GPR176: variants seen among roughly 807,000 people sequenced by gnomAD.
The protein encoded by GPR176 is G protein-coupled receptor 176.
GPR176 carries 26 observed loss-of-function variants against 35.4 expected under a neutral mutation model. The ratio of observed to expected loss-of-function variants is 0.74; its 90% CI spans 0.54 to 1.02. GPR176 has a LOEUF of 1.02. Among genes scored for constraint, GPR176 ranks in the 50% least tolerant of loss-of-function variants. The pLI is 0.00. For missense variants in GPR176, 597 were observed against 665.3 expected (o/e 0.90, Z 1.13); for synonymous variants, 278 against 271.3 (o/e 1.02, Z -0.24).
At chr15:39,889,190 C>G (rs1320535805) in intron 1 of GPR176, among the ~76,000 whole-genome samples, 1 of 152,164 alleles carries the variant, frequency 6.6e-6, no homozygotes, top group Non-Finnish European at 1.5e-5. Context: ...ACCTCCTCCT[C>G]CATAATCCCT....
intron 1 of GPR176, among the ~76,000 whole-genome samples, chr15:39,914,602 A>C (rs150078447): frequency 1.3e-5 from 2 of 151,932 alleles, no homozygotes; most frequent in Non-Finnish European, 2.9e-5. Context: ...GAGCCACCAC[A>C]CCTGGCCCAG....
intron 1 of GPR176, among the ~76,000 whole-genome samples, chr15:39,836,150 A>G (rs538704447): frequency 2.7e-4 from 41 of 152,294 alleles, no homozygotes; most frequent in Middle Eastern, 3.4e-3. Flanking sequence ...ATTGTTCTGG[A>G]AAGAGTGGAA....
At chr15:39,807,333 TA>T in intron 1 of GPR176, 75 bp from the exon 2 acceptor site, 1 of 970,524 alleles carries the variant, frequency 1.0e-6, no homozygotes, top group Non-Finnish European at 1.4e-6. Flanking sequence ...AAGTACAGGT[TA>T]AAAAATGTAA....
chr15:39,852,664 C>T (rs2030952204), intron 1 of GPR176, among the ~76,000 whole-genome samples: 1 of 152,170 alleles, frequency 6.6e-6, no homozygotes, highest in South Asian at 2.1e-4. Flanking sequence ...GTATATACTA[C>T]ATCAGACATT....
intron 1 of GPR176, among the ~76,000 whole-genome samples, chr15:39,885,324 T>C (rs899581466): frequency 6.6e-6 from 1 of 152,242 alleles, no homozygotes; most frequent in African/African-American, 2.4e-5. Context: ...AGAAATATAT[T>C]TGTGCCCTTT....
chr15:39,801,041 A>C lies in GPR176; in HGVS notation c.*91T>G. The C allele has an allele frequency of 2.8e-6, 3 of 1,088,184 alleles. No homozygotes were observed. The highest frequency in any genetic ancestry group is 4.0e-6 in the Non-Finnish European group (3 of 744,918). The allele number at this position is 1,088,184 out of a possible 1,614,324, so 67.4% of individuals were successfully genotyped here. On this transcript the variant is annotated 3_prime_UTR_variant, in exon 3 of 3. Transcript: ENST00000561100. The stretch of plus-strand genomic sequence containing the variant: ...AGGAATCAACTCACACTGAGTTGCA[A>C]GGAGATCATACAATCACATGGCCAC...
At chr15:39,866,294 T>C (rs1488919606) in intron 1 of GPR176, among the ~76,000 whole-genome samples, 2 of 152,166 alleles carry the variant, frequency 1.3e-5, no homozygotes, top group East Asian at 1.9e-4. Context: ...TCCCTCTCGA[T>C]ATACTTCTCC....
At chr15:39,826,623 T>C (rs1460181984) in intron 1 of GPR176, among the ~76,000 whole-genome samples, 1 of 152,248 alleles carries the variant, frequency 6.6e-6, no homozygotes, top group East Asian at 1.9e-4. Flanking sequence ...TCTACATTAA[T>C]GTAACCTTTT....
At position 39,801,120 on chromosome 15, in the gene GPR176, T is replaced by G. The variant is rs1898816917; in HGVS notation, c.*12A>C. ...GAAGCTCCCCGTTGCTTCCAAGAAT[T>G]TACAATCCTTGCTAGGAATCCACCT... On this transcript the variant is annotated 3_prime_UTR_variant, in exon 3 of 3. Coordinates refer to ENST00000561100, the MANE Select transcript of GPR176 (RefSeq NM_007223.3). 1 of 1,576,306 alleles carries G rather than the reference T, an allele frequency of 6.3e-7. No individual in the cohort carries two copies. The highest frequency in any genetic ancestry group is 1.2e-5 in the South Asian group (1 of 84,502).
At chr15:39,907,698 T>TG (rs1275785954) in intron 1 of GPR176, among the ~76,000 whole-genome samples, 1 of 152,230 alleles carries the variant, frequency 6.6e-6, no homozygotes, top group Non-Finnish European at 1.5e-5. Context: ...CATCATCTTC[T>TG]GGGGGGCTAC....
chr15:39,857,077 C>G (rs960079369), intron 1 of GPR176, among the ~76,000 whole-genome samples: 4 of 152,164 alleles, frequency 2.6e-5, no homozygotes, highest in African/African-American at 9.7e-5. Context: ...AGCTGTCTAA[C>G]TGTATATAGC....
rs1898859309 is a variant in GPR176 at position 39,801,554 on chromosome 15, C to A, written c.1126G>T (p.Gly376Trp). The part of the protein sequence containing the change: ...GSQLLEMFHI[G>W]QQQIFKPTED... ...GTGGGCTTAAAGATCTGCTGCTGCC[C>A]AATGTGGAACATCTCCAGGAGCTGG... Residue 376 changes from glycine (G) to tryptophan (W), a missense_variant, in exon 3 of 3, where the codon GGG becomes TGG. Physicochemically the swap from Gly to Trp is radical, Grantham distance 184. Transcript: ENST00000561100. 3 of 1,614,146 alleles carry A rather than the reference C, an allele frequency of 1.9e-6. No individual in the cohort carries two copies. The highest frequency in any genetic ancestry group is 2.5e-6 in the Non-Finnish European group (3 of 1,179,992).
chr15:39,910,284 G>A (rs1595524896), intron 1 of GPR176, among the ~76,000 whole-genome samples: 2 of 152,148 alleles, frequency 1.3e-5, no homozygotes, highest in Non-Finnish European at 2.9e-5. Flanking sequence ...AGAAAGCATC[G>A]GTATCAATTG....
chr15:39,807,491 CTATT>C, intron 1 of GPR176: 2 of 1,303,886 alleles, frequency 1.5e-6, no homozygotes, highest in Non-Finnish European at 2.0e-6. Context: ...GTGAGTTTCT[CTATT>C]TAATTTTGGG....
At chr15:39,890,423 C>A (rs1164114670) in intron 1 of GPR176, among the ~76,000 whole-genome samples, 1 of 152,104 alleles carries the variant, frequency 6.6e-6, no homozygotes, top group African/African-American at 2.4e-5. Flanking sequence ...CTTAACAGAC[C>A]AAGGACAAAG....
intron 1 of GPR176, among the ~76,000 whole-genome samples, chr15:39,851,929 G>T (rs529203415): frequency 9.2e-5 from 14 of 152,224 alleles, no homozygotes; most frequent in Admixed American, 7.8e-4. Context: ...GATTGTAAGT[G>T]CTTCCTTGGC....
intron 1 of GPR176, 174 bp from the exon 2 acceptor site, chr15:39,807,432 T>A (rs541953952): frequency 1.3e-6 from 1 of 771,082 alleles, no homozygotes; most frequent in South Asian, 2.5e-5. Flanking sequence ...AGTCAATTTA[T>A]GTGAAATTAT....
intron 1 of GPR176, among the ~76,000 whole-genome samples, chr15:39,837,512 A>C (rs1445737693): frequency 6.6e-6 from 1 of 152,118 alleles, no homozygotes; most frequent in Non-Finnish European, 1.5e-5. Context: ...CTCCATGAAG[A>C]CCTCTTTGAT....
chr15:39,849,376 C>T lies in GPR176; in HGVS notation c.173-42118G>A, dbSNP rs1340661197. On this transcript the variant is annotated intron_variant, in intron 1 of 2. Coordinates refer to ENST00000561100, the MANE Select transcript of GPR176 (RefSeq NM_007223.3). ...TACTAAACGTTTCAAGAAGAATTAA[C>T]ACCAATTCCACATACTCTCTTCCAA... Among the ~76,000 whole-genome samples the T allele has an allele frequency of 5.9e-5, 9 of 152,242 alleles. No individual in the cohort carries two copies. The East Asian group carries it at 1.5e-3, about 26-fold the overall frequency.
Sources: gnomAD v4.1 joint callset for allele counts (sites outside exome capture counted in the v4.1 genomes callset) on GRCh38, gnomAD v4.1.1 for gene constraint, MANE v1.5 for transcripts, NCBI Gene and HGNC (gene_info 2026-07-23, HGNC 2026-07-21) for gene names.